LRRTM1: variants seen among roughly 807,000 people sequenced by gnomAD.
The protein encoded by LRRTM1 is leucine rich repeat transmembrane neuronal 1.
In LRRTM1, 8 loss-of-function variants were observed where a neutral mutation model predicts 37.3. The ratio of observed to expected loss-of-function variants is 0.21; its 90% CI spans 0.13 to 0.39. The LOEUF (loss-of-function observed/expected upper bound fraction) is 0.39. LRRTM1 is among the 10% of genes least tolerant of loss of function. The pLI is 1.00. For missense variants in LRRTM1, 557 were observed against 691.0 expected, an observed-to-expected ratio of 0.81 and a Z score of 2.17; for synonymous variants, 326 against 316.8, an observed-to-expected ratio of 1.03 and a Z score of -0.31.
chr2:80,300,279 GGGGTGTGTGTGTGTGTGTGTGTGT>G (rs1199848766), downstream of LRRTM1, among the ~76,000 whole-genome samples: 7 of 128,082 alleles, frequency 5.5e-5, no homozygotes, highest in East Asian at 2.2e-4. Flanking sequence ...CTGGGGTGTT[GGGGTGTGTGTGTGTGTGTGTGTGT>G]GTGTGTGTGT....
chr2:80,290,637 T>C (rs1032480189), intron 2 of LRRTM1, among the ~76,000 whole-genome samples: 15 of 152,140 alleles, frequency 9.9e-5, no homozygotes, highest in African/African-American at 3.4e-4. Context: ...GAAATCTTAA[T>C]ACCACAGATA....
chr2:80,289,593 T>C (rs183498344), intron 2 of LRRTM1, among the ~76,000 whole-genome samples: 1 of 152,304 alleles, frequency 6.6e-6, no homozygotes, highest in East Asian at 1.9e-4. Flanking sequence ...GTGGGACTAA[T>C]GCTGATTGAG....
In LRRTM1 at chr2:80,303,508, C is replaced by T; in HGVS notation, c.312G>A (p.Val104=). 6.2e-7 allele frequency: 1 copy of T among 1,614,258 alleles called. No individual in the cohort carries two copies. ...LYLDHNHICS[V]QGDAFQKLRR... ...GCAGTTTCTGAAAGGCGTCCCCCTG[C>T]ACGGAGCAGATGTGATTGTGATCCA... The change falls in exon 2 of 2, where the codon GTG becomes GTA. Residue 104 remains valine, a synonymous_variant. Coordinates refer to ENST00000295057, the MANE Select transcript of LRRTM1 (RefSeq NM_178839.5). The surrounding 1 kb of genome is among the most constrained non-coding windows in gnomAD (Gnocchi z 7.7).
rs1472777485 is a variant in LRRTM1, at chr2:80,303,196, C to T, written c.624G>A (p.Leu208=). 6.2e-7 allele frequency: 1 copy of T among 1,613,982 alleles called. No homozygotes were observed. The highest frequency in any genetic ancestry group is 8.5e-7 in the Non-Finnish European group (1 of 1,179,954). Residue 208 remains leucine, a synonymous_variant, in exon 2 of 2, where the codon TTG becomes TTA. Coordinates refer to ENST00000295057, the MANE Select transcript of LRRTM1 (RefSeq NM_178839.5). The surrounding 1 kb of genome is among the most constrained non-coding windows in gnomAD (Gnocchi z 7.7). ...CGAGGTGCAGCTCGGTGAGCTTAAA[C>T]AAGCCGGCGAAAGAGTTGCGCGCCA... The part of the protein sequence containing the change: ...KSLARNSFAG[L]FKLTELHLEH...
downstream of LRRTM1, among the ~76,000 whole-genome samples, chr2:80,297,485 A>G (rs560901340): frequency 1.3e-5 from 2 of 152,308 alleles, no homozygotes; most frequent in South Asian, 4.1e-4. Flanking sequence ...CATCTCATTT[A>G]TATCTTTGTC....
rs540113878 is a variant in LRRTM1 at position 80,303,573 on chromosome 2, C to T, written c.247G>A (p.Gly83Ser). 6.2e-7 allele frequency: 1 copy of T among 1,614,214 alleles called. No homozygotes were observed. The highest frequency in any genetic ancestry group is 1.1e-5 in the South Asian group (1 of 91,084). Residue 83 changes from glycine to serine, a missense_variant, in exon 2 of 2, where the codon GGC becomes AGC. Gly to Ser is a moderately conservative substitution (Grantham distance 56, BLOSUM62 0). Transcript: ENST00000295057. The surrounding 1 kb of genome is among the most constrained non-coding windows in gnomAD (Gnocchi z 7.7). ...AGCTGCATTAACCCCGTGAACTGGC[C>T]GGCGCGCAGCTCCGAGAGGCTGTTG... ...RYNSLSELRAGQFTGLMQLTW... is the reference protein window; with the variant it reads ...RYNSLSELRASQFTGLMQLTW...
chr2:80,302,272 G>A lies in LRRTM1; in HGVS notation c.1548C>T (p.Pro516=), dbSNP rs1302835627. The stretch of plus-strand genomic sequence containing the variant: ...ACAATCACACCTCGCATTCCCTCGC[G>A]GGCTGCTGGTGGCAGGTACACGAGC... ...EYGSCTCHQQ[P]ARECEV The change falls in exon 2 of 2, where the codon CCC becomes CCT. Residue 516 remains proline (P), a synonymous_variant. Transcript: ENST00000295057. The surrounding 1 kb of genome is among the most constrained non-coding windows in gnomAD (Gnocchi z 6.4). 2 of 1,613,760 alleles carry A rather than the reference G, an allele frequency of 1.2e-6. No individual in the cohort carries two copies. The highest frequency in any genetic ancestry group is 1.7e-5 in the Admixed American group (1 of 60,020).
Position 80,303,643 on chromosome 2 carries a change from C to T in LRRTM1, c.177G>A (p.Glu59=), listed in dbSNP as rs775553279. 1 of 1,613,454 alleles carries T rather than the reference C, an allele frequency of 6.2e-7. No homozygotes were observed. The highest frequency in any genetic ancestry group is 2.2e-5 in the East Asian group (1 of 44,844). ...GCAGGCCGGACAGGTTGTGGGGCGC[C>T]TCGGTGAGGTTGAGCGCCTCGCAGT... ...LLYCEALNLT[E]APHNLSGLLG... Residue 59 remains glutamate, a synonymous_variant, in exon 2 of 2, where the codon GAG becomes GAA. Transcript: ENST00000295057. This position sits in a 1 kb window ranked among gnomAD's most constrained non-coding sequence, Gnocchi z 7.7.
rs34246881 is a variant in LRRTM1 at position 80,291,109 on chromosome 2, CCT to C, written c.*307-1916_*307-1915del. On this transcript the variant is annotated intron_variant and NMD_transcript_variant, in intron 2 of 2. Coordinates refer to the LRRTM1 transcript ENST00000417012. ...CACTCAACTTTTGGAATCTCAATTC[CCT>C]AGTTGCAAACGAGAATGTTCCCTCT... Among the ~76,000 whole-genome samples the C allele has an allele frequency of 5.6e-3, 847 of 152,268 alleles. 12 individuals are homozygous for C. The highest frequency in any genetic ancestry group is 0.02 in the African/African-American group (814 of 41,558).
intron 2 of LRRTM1, among the ~76,000 whole-genome samples, chr2:80,294,216 C>T (rs2862286): frequency 0.57 from 85,925 of 152,024 alleles, 25,318 homozygotes; most frequent in African/African-American, 0.75. Context: ...AGTCTTCTTG[C>T]CTTAAAAATG....
At chr2:80,297,897 G>A (rs1028865309), downstream of LRRTM1, among the ~76,000 whole-genome samples, 1 of 152,062 alleles carries the variant, frequency 6.6e-6, no homozygotes, top group African/African-American at 2.4e-5. Context: ...ATAAAAGTTT[G>A]ATTATGAAGA....
chr2:80,300,281 GGTGTGTGTGTGTGT>G (rs70940079), downstream of LRRTM1, among the ~76,000 whole-genome samples: 829 of 93,152 alleles, frequency 8.9e-3, 5 homozygotes, highest in African/African-American at 0.032. Flanking sequence ...GGGGTGTTGG[GGTGTGTGTGTGTGT>G]GTGTGTGTGT....
At position 80,303,857 on chromosome 2, in the gene LRRTM1, T is replaced by C. The variant is rs201539107; in HGVS notation, c.-38A>G. The C allele has an allele frequency of 6.8e-7, 1 of 1,480,374 alleles. No individual in the cohort carries two copies. The highest frequency in any genetic ancestry group is 1.4e-5 in the African/African-American group (1 of 71,174). 91.7% of individuals were successfully genotyped at this position (1,480,374 alleles called of 1,614,324 possible). A position where few individuals can be genotyped will look rare whatever the true frequency, so the allele number is the denominator to read the frequency against. ...TTCCAGAGAGACTGGAGAATGTCCA[T>C]TGGAAGCGCTCGGTCAGAAATCTAC... On this transcript the variant is annotated 5_prime_UTR_variant, in exon 2 of 2. An upstream start codon of the reference 5' UTR is lost. Coordinates refer to ENST00000295057, the MANE Select transcript of LRRTM1 (RefSeq NM_178839.5). This position sits in a 1 kb window ranked among gnomAD's most constrained non-coding sequence, Gnocchi z 7.7.
chr2:80,300,364 A>C (rs1676171255), downstream of LRRTM1, among the ~76,000 whole-genome samples: 2 of 151,230 alleles, frequency 1.3e-5, no homozygotes, highest in African/African-American at 4.9e-5. Flanking sequence ...TTAACATCTT[A>C]AAAGACATTT....
At chr2:80,292,193 C>T (rs1675320961) in intron 2 of LRRTM1, among the ~76,000 whole-genome samples, 1 of 152,104 alleles carries the variant, frequency 6.6e-6, no homozygotes, top group Non-Finnish European at 1.5e-5. Context: ...TAGTACTTGC[C>T]ACATGCCAGA....
rs975392735 is a variant in LRRTM1, at chr2:80,302,763, C to T, written c.1057G>A (p.Val353Ile). The T allele has an allele frequency of 6.2e-7, 1 of 1,613,000 alleles. No homozygotes were observed. The highest frequency in any genetic ancestry group is 8.5e-7 in the Non-Finnish European group (1 of 1,179,828). ...TGGAAGGCGTACACGGCGTCCAGGA[C>T]GTCCTCGCCCTGTGCGTACTCCGGG... ...ASPEYAQGED[V>I]LDAVYAFHLC... Residue 353 changes from valine (V) to isoleucine (I), a missense_variant, in exon 2 of 2, where the codon GTC becomes ATC. Transcript: ENST00000295057. The surrounding 1 kb of genome is among the most constrained non-coding windows in gnomAD (Gnocchi z 6.4).
At chr2:80,294,103 G>C (rs1304773378) in intron 2 of LRRTM1, among the ~76,000 whole-genome samples, 1 of 152,102 alleles carries the variant, frequency 6.6e-6, no homozygotes. Flanking sequence ...AGGAAAGGAA[G>C]GTGGTAGCGG....
rs1434518788 is a variant in LRRTM1, at chr2:80,303,745, C to T, written c.75G>A (p.Leu25=). 2 of 1,595,126 alleles carry T rather than the reference C, an allele frequency of 1.3e-6. No individual in the cohort carries two copies. The highest frequency in any genetic ancestry group is 3.4e-5 in the Admixed American group (2 of 58,370). The change falls in exon 2 of 2, where the codon CTG becomes CTA. Residue 25 remains leucine, a synonymous_variant. Coordinates refer to ENST00000295057, the MANE Select transcript of LRRTM1 (RefSeq NM_178839.5). This position sits in a 1 kb window ranked among gnomAD's most constrained non-coding sequence, Gnocchi z 7.7. The part of the protein sequence containing the change: ...RRPSGVVLCL[L]GACFQMLPAA... ...CGGGCAGCATCTGAAAGCAGGCCCC[C>T]AGCAGACACAAGACCACCCCCGAGG...
chr2:80,297,695 C>CA (rs779896938), downstream of LRRTM1, among the ~76,000 whole-genome samples: 156 of 152,080 alleles, frequency 1.0e-3, 2 homozygotes, highest in Non-Finnish European at 1.6e-3. Context: ...AAAATACTCT[C>CA]AAAAAATATA....
Sources: gnomAD v4.1 joint callset for allele counts (sites outside exome capture counted in the v4.1 genomes callset) on GRCh38, gnomAD v4.1.1 for gene constraint, Gnocchi (gnomAD v3.1) non-coding constraint, MANE v1.5 for transcripts, NCBI Gene and HGNC (gene_info 2026-07-23, HGNC 2026-07-21) for gene names.